The following EXOC4 variants were observed in gnomAD, a reference collection of about 807,000 sequenced individuals.
EXOC4 encodes the protein SEC8-like 1.
Under a neutral mutation model 107.2 loss-of-function variants are expected in EXOC4, and 71 were observed. The ratio of observed to expected loss-of-function variants is 0.66; its 90% CI spans 0.55 to 0.81. The LOEUF is 0.81. Among genes scored for constraint, EXOC4 ranks in the 30% least tolerant of loss-of-function variants. The pLI is 0.00. For synonymous variants in EXOC4, 456 were observed against 441.2 expected (o/e 1.03, Z -0.42); for missense variants, 1,108 against 1,189.6 (o/e 0.93, Z 1.01).
intron 17 of EXOC4, among the ~76,000 whole-genome samples, chr7:134,011,496 CCT>C (rs1368445479): frequency 6.6e-6 from 1 of 151,984 alleles, no homozygotes; most frequent in Non-Finnish European, 1.5e-5. Flanking sequence ...CAGTTTTTCC[CCT>C]GATTTTGGTT....
chr7:133,536,047 G>A (rs1800263966), intron 9 of EXOC4, among the ~76,000 whole-genome samples: 2 of 152,164 alleles, frequency 1.3e-5, no homozygotes, highest in Non-Finnish European at 2.9e-5. Context: ...CAGGTAATGG[G>A]AAGAGTGTAG....
intron 14 of EXOC4, among the ~76,000 whole-genome samples, chr7:133,968,027 A>G (rs770232785): frequency 1.1e-4 from 17 of 152,274 alleles, no homozygotes; most frequent in Non-Finnish European, 2.2e-4. Context: ...TATTGGGTGC[A>G]TATATATTTA....
chr7:133,317,763 C>A (rs1159772933), intron 5 of EXOC4, among the ~76,000 whole-genome samples: 1 of 151,924 alleles, frequency 6.6e-6, no homozygotes, highest in Admixed American at 6.6e-5. Context: ...CTCTCTGCAA[C>A]CTCTGCCTCC....
At position 134,030,372 on chromosome 7, in the gene EXOC4, C is replaced by T. The variant is rs578021586; in HGVS notation, c.2687+22537C>T. ...AGTGGATAAACAAAATGTGGTATATCCATGCAGCAGAATATTATGTGGCCA... is the reference window on the plus strand; with the variant it reads ...AGTGGATAAACAAAATGTGGTATATTCATGCAGCAGAATATTATGTGGCCA... On this transcript the variant is annotated intron_variant, in intron 17 of 17. Coordinates refer to ENST00000253861, the MANE Select transcript of EXOC4 (RefSeq NM_021807.4). Among the ~76,000 whole-genome samples, 11 of 152,266 alleles carry T rather than the reference C, an allele frequency of 7.2e-5. No individual in the cohort carries two copies. In the East Asian group the frequency reaches 7.7e-4, roughly 11 times the overall value.
intron 10 of EXOC4, among the ~76,000 whole-genome samples, chr7:133,689,895 A>G (rs1278320504): frequency 6.6e-6 from 1 of 152,246 alleles, no homozygotes; most frequent in Non-Finnish European, 1.5e-5. Flanking sequence ...GCCTCATTCC[A>G]TAAAGTAGAA....
chr7:133,971,361 T>TATAGAGAGAG (rs1489958236), intron 14 of EXOC4, among the ~76,000 whole-genome samples: 24 of 75,066 alleles, frequency 3.2e-4, no homozygotes, highest in East Asian at 1.4e-3. Context: ...TATATATATA[T>TATAGAGAGAG]AGAGAGAGAG....
intron 5 of EXOC4, among the ~76,000 whole-genome samples, chr7:133,337,227 G>A (rs1795538098): frequency 1.3e-5 from 2 of 152,024 alleles, no homozygotes; most frequent in Admixed American, 6.6e-5. Context: ...GAATGATATT[G>A]TGTAGTCTAA....
At chr7:134,050,053 T>G (rs1287085221) in intron 17 of EXOC4, among the ~76,000 whole-genome samples, 1 of 152,144 alleles carries the variant, frequency 6.6e-6, no homozygotes, top group East Asian at 1.9e-4. Flanking sequence ...AAAAGTAAGG[T>G]GCAGAACAGT....
chr7:134,096,758 C>T, the EXOC4 span, among the ~76,000 whole-genome samples: 99 of 152,222 alleles, frequency 6.5e-4, 1 homozygote, highest in African/African-American at 2.4e-3. Context: ...CAAGTGCTCC[C>T]ACGTTCTTCT....
chr7:133,340,557 G>A (rs899960395), intron 5 of EXOC4, among the ~76,000 whole-genome samples: 1 of 151,820 alleles, frequency 6.6e-6, no homozygotes, highest in Admixed American at 6.6e-5. Flanking sequence ...ATTTAGGGAG[G>A]ATTCTCTCTT....
intron 12 of EXOC4, among the ~76,000 whole-genome samples, chr7:133,907,507 C>T (rs910855172): frequency 5.9e-5 from 9 of 152,210 alleles, no homozygotes; most frequent in Admixed American, 5.9e-4. Flanking sequence ...TAAAAATATC[C>T]TCAAAGTGAT....
chr7:134,073,205 CAAAAAAAAAAAAAA>C, the EXOC4 span, among the ~76,000 whole-genome samples: 1 of 22,588 alleles, frequency 4.4e-5, no homozygotes, highest in Non-Finnish European at 7.2e-5. Context: ...GACTTCCTCT[CAAAAAAAAAAAAAA>C]AAAAAAAAAA....
At chr7:133,688,509 T>G (rs1794354620) in intron 10 of EXOC4, among the ~76,000 whole-genome samples, 1 of 152,150 alleles carries the variant, frequency 6.6e-6, no homozygotes, top group Non-Finnish European at 1.5e-5. Flanking sequence ...AAAGAAATGG[T>G]GCCCAATTAT....
At chr7:133,770,173 TA>T (rs1796216958) in intron 10 of EXOC4, among the ~76,000 whole-genome samples, 2 of 151,934 alleles carry the variant, frequency 1.3e-5, no homozygotes, top group African/African-American at 4.8e-5. Context: ...TTTTATCACT[TA>T]ACTCGTGCTA....
chr7:133,772,431 A>G (rs1011045562), intron 10 of EXOC4, among the ~76,000 whole-genome samples: 2 of 152,062 alleles, frequency 1.3e-5, no homozygotes, highest in East Asian at 1.9e-4. Context: ...TGCATTAACT[A>G]AAGTCATCTA....
At chr7:133,546,600 A>G (rs1800486925) in intron 9 of EXOC4, among the ~76,000 whole-genome samples, 1 of 152,124 alleles carries the variant, frequency 6.6e-6, no homozygotes. Context: ...ATACAGTCAT[A>G]TAACTATCAC....
At chr7:133,579,079 G>C (rs777426686) in intron 9 of EXOC4, among the ~76,000 whole-genome samples, 22 of 152,128 alleles carry the variant, frequency 1.4e-4, no homozygotes, top group Non-Finnish European at 2.8e-4. Context: ...AATTTGCATA[G>C]TAGAAAAATT....
Position 133,842,647 on chromosome 7 carries a change from T to C in EXOC4, c.1734+25103T>C, listed in dbSNP as rs532422373. On this transcript the variant is annotated intron_variant, in intron 11 of 17. Transcript: ENST00000253861. ...TTTGCTATGCAGAAGCTCTTTAGTT[T>C]AATTAGGTTCCATTTATTGATTTTT... Among the ~76,000 whole-genome samples the C allele has an allele frequency of 3.3e-5, 5 of 152,366 alleles. No individual in the cohort carries two copies. In the East Asian group the frequency reaches 9.6e-4, roughly 29 times the overall value.
chr7:133,633,878 T>TGA (rs1802646860), intron 10 of EXOC4, among the ~76,000 whole-genome samples: 1 of 152,192 alleles, frequency 6.6e-6, no homozygotes, highest in Non-Finnish European at 1.5e-5. Context: ...GCGTAGGTCC[T>TGA]TCACTTTCCT....
Sources: gnomAD v4.1 joint callset for allele counts (sites outside exome capture counted in the v4.1 genomes callset) on GRCh38, gnomAD v4.1.1 for gene constraint, MANE v1.5 for transcripts, NCBI Gene and HGNC (gene_info 2026-07-23, HGNC 2026-07-21) for gene names.